The following KIF1B variants were observed in gnomAD, a reference collection of about 807,000 sequenced individuals.
KIF1B encodes kinesin family member 1B.
KIF1B carries 76 observed loss-of-function variants against 241.9 expected under a neutral mutation model. The observed-to-expected ratio is 0.31, with a 90% CI of 0.26 to 0.38. The LOEUF is 0.38. Ranked by LOEUF, KIF1B falls within the 10% of genes least tolerant of loss-of-function variation. KIF1B has a pLI of 1.00. For missense variants in KIF1B, 1,622 were observed against 2,271.4 expected (o/e 0.71, Z 5.81); for synonymous variants, 750 against 796.7 (o/e 0.94, Z 0.99).
At chr1:10,334,763 C>T in intron 28 of KIF1B, 125 bp downstream of exon 28, 2 of 748,620 alleles carry the variant, frequency 2.7e-6, no homozygotes, top group Non-Finnish European at 2.4e-6. Flanking sequence ...GTGTAATATA[C>T]AGACACATAC....
intron 2 of KIF1B, among the ~76,000 whole-genome samples, chr1:10,243,584 G>A (rs1571126261): frequency 6.6e-6 from 1 of 152,198 alleles, no homozygotes; most frequent in African/African-American, 2.4e-5. Context: ...TGAAGGAATT[G>A]ATACAAAGAG....
intron 1 of KIF1B, among the ~76,000 whole-genome samples, 161 bp downstream of exon 1, chr1:10,211,039 G>C (rs1035030960): frequency 6.6e-6 from 1 of 151,924 alleles, no homozygotes; most frequent in African/African-American, 2.4e-5. Context: ...CGGGGGAGGG[G>C]ACCCCTCCCT....
Position 10,336,693 on chromosome 1 carries a change from G to T in KIF1B, c.3080G>T (p.Arg1027Leu). Residue 1027 changes from arginine (R) to leucine (L), a missense_variant, in exon 29 of 49, where the codon CGA becomes CTA. Arg to Leu is a moderately radical substitution (Grantham distance 102). Around this residue, in one of 7 missense-constraint regions of KIF1B, gnomAD observed 803 missense variants for 1,112.0 expected, o/e 0.72. Coordinates refer to ENST00000676179, the MANE Select transcript of KIF1B (RefSeq NM_001365951.3). ...EEAPDYGSGIRQSGTAKISFD... is the reference protein window; with the variant it reads ...EEAPDYGSGILQSGTAKISFD... ...GCTCCTGATTATGGCTCTGGAATTC[G>T]ACAGTCAGGAACAGCTAAAATATCT... is the stretch of plus-strand genomic sequence containing the variant. 6.2e-7 allele frequency: 1 copy of T among 1,613,924 alleles called. No homozygotes were observed. Among genetic ancestry groups the T allele is most frequent in the South Asian group, 1.1e-5 (1 of 91,066 alleles).
intron 10 of KIF1B, among the ~76,000 whole-genome samples, chr1:10,273,729 A>C (rs1249556842): frequency 1.0e-4 from 9 of 89,218 alleles, no homozygotes; most frequent in East Asian, 3.7e-4. Flanking sequence ...AAAAAAAAAA[A>C]AAAAAAAAAA....
chr1:10,321,086 G>T (rs1231821427), intron 23 of KIF1B, among the ~76,000 whole-genome samples: 3 of 150,720 alleles, frequency 2.0e-5, no homozygotes, highest in African/African-American at 7.3e-5. Flanking sequence ...GTCATACAAT[G>T]TAACAGAGGT....
At chr1:10,263,287 T>TAA (rs918347524) in intron 5 of KIF1B, among the ~76,000 whole-genome samples, 1 of 144,846 alleles carries the variant, frequency 6.9e-6, no homozygotes, top group Non-Finnish European at 1.6e-5. Context: ...AAAATAATAA[T>TAA]AATAAATAAA....
chr1:10,376,454 C>A, intron 48 of KIF1B, 91 bp from the exon 49 acceptor site: 2 of 1,305,546 alleles, frequency 1.5e-6, no homozygotes, highest in African/African-American at 1.5e-5. Flanking sequence ...TAGGAAGATG[C>A]TCCAGGAGGG....
Position 10,339,868 on chromosome 1 carries a change from C to G in KIF1B, c.3513+9C>G, listed in dbSNP as rs773566719. The G allele has an allele frequency of 6.2e-6, 10 of 1,610,930 alleles. No individual in the cohort carries two copies. The highest frequency in any genetic ancestry group is 6.8e-6 in the Non-Finnish European group (8 of 1,177,286). ...TTTATCATGTGCAGAATGTAAGTGA[C>G]ATGGACCTTTTTGCCAAACATATGT... On this transcript the variant is annotated intron_variant, in intron 32 of 48. Transcript: ENST00000676179.
intron 5 of KIF1B, among the ~76,000 whole-genome samples, chr1:10,265,142 C>T (rs1648379174): frequency 6.6e-6 from 1 of 151,816 alleles, no homozygotes; most frequent in Non-Finnish European, 1.5e-5. Context: ...TCCCAAAGTG[C>T]TAAGATTACA....
chr1:10,258,795 T>C (rs148929098), intron 4 of KIF1B, 123 bp downstream of exon 4: 12,440 of 954,910 alleles, frequency 0.013, 136 homozygotes, highest in Non-Finnish European at 0.017. Flanking sequence ...GGCACAAAGA[T>C]GAACAACCCA....
At position 10,365,955 on chromosome 1, in the gene KIF1B, G is replaced by C. The variant is rs770124088; in HGVS notation, c.4752+307G>C. Among the ~76,000 whole-genome samples, 2 of 152,166 alleles carry C rather than the reference G, an allele frequency of 1.3e-5. No homozygotes were observed. Among genetic ancestry groups the C allele is most frequent in the African/African-American group, 2.4e-5 (1 of 41,422 alleles). ...TCTACAAAAACAAAAATTAGGCCAG[G>C]CATGGTGGCTCACACCTGTAATCCC... On this transcript the variant is annotated intron_variant, in intron 43 of 48. Coordinates refer to ENST00000676179, the MANE Select transcript of KIF1B (RefSeq NM_001365951.3). The surrounding 1 kb of genome is among the most constrained non-coding windows in gnomAD (Gnocchi z 4.0).
chr1:10,356,039 T>C (rs1277567174), intron 38 of KIF1B, among the ~76,000 whole-genome samples: 1 of 152,068 alleles, frequency 6.6e-6, no homozygotes, highest in Non-Finnish European at 1.5e-5. Context: ...AAGGAAGTGA[T>C]ACATGACAAT....
Position 10,326,387 on chromosome 1 carries a change from A to T in KIF1B, c.2924+28A>T. 6.2e-7 allele frequency: 1 copy of T among 1,613,746 alleles called. No homozygotes were observed. The highest frequency in any genetic ancestry group is 1.6e-4 in the Middle Eastern group (1 of 6,062). ...TGGTGAGGTTATTGTGAGAAAGGCG[A>T]AAAGGGACCAGCTCTTGCTCTGAAG... is the stretch of plus-strand genomic sequence containing the variant. On this transcript the variant is annotated intron_variant, in intron 27 of 48. Coordinates refer to ENST00000676179, the MANE Select transcript of KIF1B (RefSeq NM_001365951.3). The surrounding 1 kb of genome is among the most constrained non-coding windows in gnomAD (Gnocchi z 5.2).
chr1:10,212,938 A>ACG (rs1646717338), intron 1 of KIF1B, among the ~76,000 whole-genome samples: 1 of 146,310 alleles, frequency 6.8e-6, no homozygotes, highest in African/African-American at 2.5e-5. Context: ...ATATACACAC[A>ACG]CACATTTAAA....
intron 4 of KIF1B, among the ~76,000 whole-genome samples, chr1:10,260,302 C>T (rs1009482069): frequency 1.3e-5 from 2 of 152,142 alleles, no homozygotes; most frequent in African/African-American, 4.8e-5. Flanking sequence ...AATGGCACAC[C>T]TGCATAGTGC....
At chr1:10,319,981 C>A in intron 22 of KIF1B, 62 bp from the exon 23 acceptor site, 2 of 1,072,946 alleles carry the variant, frequency 1.9e-6, no homozygotes, top group Non-Finnish European at 2.8e-6. Flanking sequence ...CCTTCCATTT[C>A]TCTTTCCCTG....
rs2102302798 is a variant in KIF1B, at chr1:10,326,983, C to G, written c.2924+624C>G. On this transcript the variant is annotated intron_variant, in intron 27 of 48. Transcript: ENST00000676179. This position sits in a 1 kb window ranked among gnomAD's most constrained non-coding sequence, Gnocchi z 5.2. The stretch of plus-strand genomic sequence containing the variant: ...GAGCCTATCTACGGATCTTTGGCAT[C>G]TGCTAAAATTTTAACCTATAGGGTT... Among the ~76,000 whole-genome samples, 1 of 152,300 alleles carries G rather than the reference C, an allele frequency of 6.6e-6. No homozygotes were observed.
intron 6 of KIF1B, 68 bp from the exon 7 acceptor site, chr1:10,268,084 G>A: frequency 1.1e-6 from 1 of 951,468 alleles, no homozygotes; most frequent in Non-Finnish European, 1.7e-6. Flanking sequence ...ATAATGTGGA[G>A]CCTGCTGTCC....
At chr1:10,270,568 T>C (rs148180485) in intron 7 of KIF1B, among the ~76,000 whole-genome samples, 1 of 152,292 alleles carries the variant, frequency 6.6e-6, no homozygotes, top group East Asian at 1.9e-4. Context: ...TGTGTGGACA[T>C]TTGTTTTTGT....
Sources: allele counts gnomAD v4.1 joint callset (sites outside exome capture counted in the v4.1 genomes callset), GRCh38; gene constraint gnomAD v4.1.1; regional missense constraint gnomAD v4.1.1; non-coding constraint Gnocchi (gnomAD v3.1); transcripts MANE v1.5; gene names NCBI Gene and HGNC (gene_info 2026-07-23, HGNC 2026-07-21).